MAST4: variants seen among roughly 807,000 people sequenced by gnomAD.
MAST4 encodes the protein microtubule associated serine/threonine kinase family member 4.
In MAST4, 89 loss-of-function variants were observed where a neutral mutation model predicts 162.7. The observed-to-expected ratio is 0.55, with a 90% CI of 0.46 to 0.65. The LOEUF (loss-of-function observed/expected upper bound fraction) is 0.65. MAST4 is among the 30% of genes least tolerant of loss of function. The pLI is 0.00. For synonymous variants in MAST4, 1,479 were observed against 1,361.1 expected, an observed-to-expected ratio of 1.09 and a Z score of -1.91; for missense variants, 3,153 against 3,374.0, an observed-to-expected ratio of 0.93 and a Z score of 1.62.
chr5:66,741,505 A>C (rs1752474031), intron 1 of MAST4, among the ~76,000 whole-genome samples: 1 of 152,222 alleles, frequency 6.6e-6, no homozygotes, highest in African/African-American at 2.4e-5. Context: ...GGCAGCATGT[A>C]GACACAACAT....
At chr5:66,968,563 G>C (rs1478949849) in intron 4 of MAST4, among the ~76,000 whole-genome samples, 1 of 152,094 alleles carries the variant, frequency 6.6e-6, no homozygotes, top group Non-Finnish European at 1.5e-5. Flanking sequence ...ACCTAAAATA[G>C]TTCCTGACAT....
At chr5:66,788,607 C>CCCCCCAAAAAAAAAAAA in intron 2 of MAST4, 63 bp from the exon 3 acceptor site, 1 of 1,373,728 alleles carries the variant, frequency 7.3e-7, no homozygotes, top group Non-Finnish European at 1.0e-6. Flanking sequence ...CCCCCACCCC[C>CCCCCCAAAAAAAAAAAA]ATTGCAATAA....
At position 67,153,541 on chromosome 5, in the gene MAST4, T is replaced by A; in HGVS notation, c.3609T>A (p.His1203Gln). 1.9e-6 allele frequency: 3 copies of A among 1,597,912 alleles called. No homozygotes were observed. The highest frequency in any genetic ancestry group is 2.6e-6 in the Non-Finnish European group (3 of 1,171,646). ...CTCACATCAATGGAGAACCAGTGCA[T>A]GGACTTGTCCACACAGAAGTTATAG... ...LITHINGEPVHGLVHTEVIEL... is the reference protein window; with the variant it reads ...LITHINGEPVQGLVHTEVIEL... The change falls in exon 26 of 29, where the codon CAT (histidine) becomes CAA (glutamine). Residue 1203 changes from histidine to glutamine, a missense_variant. Around this residue, in one of 7 missense-constraint regions of MAST4, gnomAD observed 619 missense variants for 744.2 expected, o/e 0.83. Coordinates refer to ENST00000403625, the MANE Select transcript of MAST4 (RefSeq NM_001164664.2).
At chr5:66,926,078 G>C (rs1273211403) in intron 4 of MAST4, among the ~76,000 whole-genome samples, 3 of 151,980 alleles carry the variant, frequency 2.0e-5, no homozygotes, top group Non-Finnish European at 4.4e-5. Flanking sequence ...GTCAAGGAGA[G>C]GTTTCGGCAT....
intron 4 of MAST4, among the ~76,000 whole-genome samples, chr5:66,951,917 A>G (rs546310952): frequency 3.9e-5 from 6 of 152,094 alleles, no homozygotes; most frequent in African/African-American, 1.4e-4. Context: ...ACGGTGTGCT[A>G]TCTAGGTCTC....
In MAST4 at chr5:66,788,804, C is replaced by A. The variant is rs1183504920; in HGVS notation, c.642+10C>A. On this transcript the variant is annotated intron_variant, in intron 3 of 28. Coordinates refer to ENST00000403625, the MANE Select transcript of MAST4 (RefSeq NM_001164664.2). ...GCTCACCGCCAGCCTGGTGAGTGTCCGCGGGCGCCGGTGGAGGCTGCTCCA... is the reference window on the plus strand; with the variant it reads ...GCTCACCGCCAGCCTGGTGAGTGTCAGCGGGCGCCGGTGGAGGCTGCTCCA... 6.4e-7 allele frequency: 1 copy of A among 1,551,050 alleles called. No individual in the cohort carries two copies. The highest frequency in any genetic ancestry group is 2.3e-5 in the East Asian group (1 of 43,706).
At chr5:66,599,905 T>C (rs1742442101) in intron 1 of MAST4, among the ~76,000 whole-genome samples, 1 of 144,394 alleles carries the variant, frequency 6.9e-6, no homozygotes, top group Non-Finnish European at 1.5e-5. Flanking sequence ...GGGAAATTGA[T>C]TATTTCTAAA....
chr5:67,050,857 G>T lies in MAST4; in HGVS notation c.675-3547G>T, dbSNP rs78867783. Among the ~76,000 whole-genome samples, 499 of 152,280 alleles carry T rather than the reference G, an allele frequency of 3.3e-3. 3 individuals carry two copies. Among genetic ancestry groups the T allele is most frequent in the African/African-American group, 0.012 (481 of 41,564 alleles). ...TGCTTCAACTGGAGAACTGATAGAG[G>T]GTACTTTGTGGGAAGTGGTTAGTCT... is the stretch of plus-strand genomic sequence containing the variant. On this transcript the variant is annotated intron_variant, in intron 4 of 28. Transcript: ENST00000403625.
chr5:67,078,692 A>T, intron 5 of MAST4, among the ~76,000 whole-genome samples: 1 of 130,846 alleles, frequency 7.6e-6, no homozygotes, highest in Non-Finnish European at 1.6e-5. Flanking sequence ...ATTTATATTT[A>T]TATATTTATA....
At chr5:66,736,948 TG>T (rs1752191463) in intron 1 of MAST4, among the ~76,000 whole-genome samples, 1 of 152,226 alleles carries the variant, frequency 6.6e-6, no homozygotes, top group African/African-American at 2.4e-5. Flanking sequence ...CCGAGTCATA[TG>T]GGTTGGTATA....
intron 3 of MAST4, among the ~76,000 whole-genome samples, chr5:66,880,709 A>G (rs964473674): frequency 6.6e-6 from 1 of 152,252 alleles, no homozygotes; most frequent in Admixed American, 6.5e-5. Flanking sequence ...ACTCAGACCC[A>G]TACAAGTAAT....
chr5:66,912,426 A>G (rs576531147), intron 4 of MAST4, among the ~76,000 whole-genome samples: 1 of 152,372 alleles, frequency 6.6e-6, no homozygotes, highest in African/African-American at 2.4e-5. Context: ...GTCTAGAATA[A>G]ATTAACTTAA....
chr5:66,740,744 AGTC>A (rs1435336982), intron 1 of MAST4, among the ~76,000 whole-genome samples: 3 of 152,196 alleles, frequency 2.0e-5, no homozygotes, highest in African/African-American at 7.2e-5. Flanking sequence ...GATCAGGTAC[AGTC>A]GTCGCTCAAG....
chr5:67,118,319 G>A (rs916832965), intron 12 of MAST4, among the ~76,000 whole-genome samples: 2 of 152,190 alleles, frequency 1.3e-5, no homozygotes, highest in African/African-American at 4.8e-5. Context: ...CTGCTTTGAT[G>A]CCCGCCAGAG....
chr5:66,718,364 T>C (rs984524354), intron 1 of MAST4, among the ~76,000 whole-genome samples: 1 of 152,114 alleles, frequency 6.6e-6, no homozygotes, highest in African/African-American at 2.4e-5. Flanking sequence ...TTCTTCTACA[T>C]GCTGGCATTT....
In MAST4 at chr5:67,142,108, C is replaced by T. The variant is rs745834355; in HGVS notation, c.2495-7C>T. On this transcript the variant is annotated splice_region_variant and splice_polypyrimidine_tract_variant and intron_variant, in intron 19 of 28. Coordinates refer to ENST00000403625, the MANE Select transcript of MAST4 (RefSeq NM_001164664.2). ...TTTCCTCTCTGTCTCTACCTGCCCC[C>T]TTCCAGGTGGTGCATATGAAGTCAA... 2 of 1,613,368 alleles carry T rather than the reference C, an allele frequency of 1.2e-6. No homozygotes were observed. The highest frequency in any genetic ancestry group is 2.2e-5 in the South Asian group (2 of 91,016).
At chr5:66,896,009 A>G (rs1332525847) in intron 3 of MAST4, among the ~76,000 whole-genome samples, 3 of 152,168 alleles carry the variant, frequency 2.0e-5, no homozygotes, top group African/African-American at 4.8e-5. Context: ...CTAAAGTACA[A>G]ACTTTATTTA....
At chr5:66,810,018 C>T (rs368032663) in intron 3 of MAST4, among the ~76,000 whole-genome samples, 6 of 152,134 alleles carry the variant, frequency 3.9e-5, no homozygotes, top group Admixed American at 3.9e-4. Context: ...TTAATAGTGG[C>T]AGAGTATGTC....
At chr5:66,982,628 A>G (rs1044000094) in intron 4 of MAST4, among the ~76,000 whole-genome samples, 1 of 152,200 alleles carries the variant, frequency 6.6e-6, no homozygotes, top group African/African-American at 2.4e-5. Flanking sequence ...TTGCAGCTTA[A>G]GCCCATACCC....
Sources: allele counts gnomAD v4.1 joint callset (sites outside exome capture counted in the v4.1 genomes callset), GRCh38; gene constraint gnomAD v4.1.1; regional missense constraint gnomAD v4.1.1; transcripts MANE v1.5; gene names NCBI Gene and HGNC (gene_info 2026-07-23, HGNC 2026-07-21).